The following RALGAPA1 variants were observed in gnomAD, a reference collection of about 807,000 sequenced individuals.
RALGAPA1 encodes ral GTPase-activating protein subunit alpha-1.
In RALGAPA1, 52 loss-of-function variants were observed where a neutral mutation model predicts 269.6. The ratio of observed to expected loss-of-function variants is 0.19; its 90% CI spans 0.15 to 0.24. The LOEUF (loss-of-function observed/expected upper bound fraction) is 0.24. RALGAPA1 is among the 10% of genes least tolerant of loss of function. The pLI, the probability that RALGAPA1 is intolerant of heterozygous loss-of-function variation, is 1.00. For synonymous variants in RALGAPA1, 817 were observed against 1,008.3 expected, an observed-to-expected ratio of 0.81 and a Z score of 3.60; for missense variants, 1,917 against 3,013.9, an observed-to-expected ratio of 0.64 and a Z score of 8.52.
intron 41 of RALGAPA1, 147 bp downstream of exon 41, chr14:35,548,361 A>AT (rs2054648216): frequency 6.2e-6 from 3 of 484,000 alleles, no homozygotes. Flanking sequence ...ACTGGAAAAA[A>AT]TTTAGTGACA....
At chr14:35,648,126 A>G (rs1455706566) in intron 31 of RALGAPA1, among the ~76,000 whole-genome samples, 3 of 151,366 alleles carry the variant, frequency 2.0e-5, no homozygotes, top group Non-Finnish European at 4.4e-5. Context: ...AAAAACAAAA[A>G]AAAAAACCAA....
chr14:35,762,806 CA>C (rs1250957270), intron 4 of RALGAPA1, 53 bp from the exon 5 acceptor site: 1 of 1,116,392 alleles, frequency 9.0e-7, no homozygotes, highest in Non-Finnish European at 1.4e-6. Flanking sequence ...TTGTAAATGT[CA>C]GAGTTCTCGG....
intron 16 of RALGAPA1, chr14:35,707,434 T>G (rs2067906690): frequency 6.6e-6 from 1 of 152,172 alleles, no homozygotes. Context: ...TAAGTTGTCC[T>G]GTGTTTTTAT....
chr14:35,672,387 T>A (rs1271236660), intron 25 of RALGAPA1, among the ~76,000 whole-genome samples: 1 of 152,144 alleles, frequency 6.6e-6, no homozygotes, highest in Admixed American at 6.5e-5. Context: ...TTATACCTCA[T>A]ATAATTATCA....
intron 31 of RALGAPA1, among the ~76,000 whole-genome samples, chr14:35,639,186 G>T (rs910343366): frequency 6.6e-6 from 1 of 151,988 alleles, no homozygotes; most frequent in Non-Finnish European, 1.5e-5. Context: ...AGACAAAAAA[G>T]GTCATTATGT....
At chr14:35,728,790 C>T (rs920871331) in intron 12 of RALGAPA1, among the ~76,000 whole-genome samples, 5 of 150,436 alleles carry the variant, frequency 3.3e-5, no homozygotes, top group African/African-American at 7.3e-5. Flanking sequence ...TGGAATGCAG[C>T]GGTATGATTT....
At chr14:35,675,294 G>T (rs1299110124) in intron 22 of RALGAPA1, among the ~76,000 whole-genome samples, 1 of 152,126 alleles carries the variant, frequency 6.6e-6, no homozygotes, top group African/African-American at 2.4e-5. Flanking sequence ...TCCTGCCTCA[G>T]CCTCCCAAGT....
chr14:35,752,191 T>C, intron 7 of RALGAPA1, 29 bp from the exon 8 acceptor site: 1 of 1,475,768 alleles, frequency 6.8e-7, no homozygotes, highest in Non-Finnish European at 9.0e-7. Context: ...ATTAGAATCA[T>C]TCCAGAAGAA....
intron 26 of RALGAPA1, among the ~76,000 whole-genome samples, chr14:35,669,750 C>A (rs963025154): frequency 2.0e-5 from 3 of 152,182 alleles, no homozygotes; most frequent in Non-Finnish European, 4.4e-5. Flanking sequence ...TAATATACTT[C>A]TCCAAATCCC....
chr14:35,757,119 ATTTTTT>A (rs201089890), intron 6 of RALGAPA1, among the ~76,000 whole-genome samples: 15 of 144,868 alleles, frequency 1.0e-4, no homozygotes, highest in South Asian at 6.4e-4. Context: ...TATTATTATT[ATTTTTT>A]TTTTTTTTTT....
chr14:35,741,505 C>A (rs1360331978), intron 11 of RALGAPA1, among the ~76,000 whole-genome samples: 4 of 152,028 alleles, frequency 2.6e-5, no homozygotes, highest in Non-Finnish European at 5.9e-5. Flanking sequence ...CTCATCAAAT[C>A]CCTACAGAAC....
At chr14:35,604,282 A>G (rs960647231) in intron 36 of RALGAPA1, among the ~76,000 whole-genome samples, 3 of 152,046 alleles carry the variant, frequency 2.0e-5, no homozygotes, top group Admixed American at 2.0e-4. Flanking sequence ...CAGGGTACCT[A>G]TACTGGGTTA....
chr14:35,672,601 A>C (rs558081557), intron 25 of RALGAPA1, among the ~76,000 whole-genome samples: 2 of 152,250 alleles, frequency 1.3e-5, no homozygotes, highest in African/African-American at 4.8e-5. Context: ...AGGATGGTTT[A>C]ATTGCTTCAA....
chr14:35,632,333 C>T (rs1248499104), intron 33 of RALGAPA1, among the ~76,000 whole-genome samples: 3 of 152,148 alleles, frequency 2.0e-5, no homozygotes, highest in African/African-American at 4.8e-5. Flanking sequence ...ATCGATGCTT[C>T]TAAGGCTTTG....
At chr14:35,766,091 T>C in intron 4 of RALGAPA1, 3 of 1,152,272 alleles carry the variant, frequency 2.6e-6, no homozygotes, top group Non-Finnish European at 3.9e-6. Context: ...TCACATGCTA[T>C]GCGGCTTTAG....
chr14:35,613,320 G>C (rs570133506), intron 35 of RALGAPA1, among the ~76,000 whole-genome samples: 72 of 152,156 alleles, frequency 4.7e-4, no homozygotes, highest in African/African-American at 1.6e-3. Context: ...GACCTCATGT[G>C]ATCCACCTGC....
intron 35 of RALGAPA1, among the ~76,000 whole-genome samples, chr14:35,613,670 C>T (rs540973335): frequency 2.7e-4 from 41 of 152,252 alleles, no homozygotes; most frequent in Admixed American, 1.4e-3. Flanking sequence ...TCTACATACC[C>T]ATCTTTCCCG....
chr14:35,698,782 C>T (rs1281315554), intron 17 of RALGAPA1, among the ~76,000 whole-genome samples: 1 of 152,078 alleles, frequency 6.6e-6, no homozygotes, highest in Non-Finnish European at 1.5e-5. Context: ...TGTTTGCCAA[C>T]TTAAGTAGAT....
intron 39 of RALGAPA1, among the ~76,000 whole-genome samples, chr14:35,560,563 A>G (rs753620342): frequency 2.6e-5 from 4 of 152,168 alleles, no homozygotes; most frequent in South Asian, 2.1e-4. Flanking sequence ...CTTGGTCTAT[A>G]TCACTATTGC....
Sources: allele counts gnomAD v4.1 joint callset (sites outside exome capture counted in the v4.1 genomes callset), GRCh38; gene constraint gnomAD v4.1.1; transcripts MANE v1.5; gene names NCBI Gene and HGNC (gene_info 2026-07-23, HGNC 2026-07-21).